ARHGAP24: variants seen among roughly 807,000 people sequenced by gnomAD.
ARHGAP24 encodes Rho GTPase activating protein 24.
Under a neutral mutation model 76.4 loss-of-function variants are expected in ARHGAP24, and 50 were observed. That is an observed-to-expected ratio of 0.65 (90% confidence interval 0.52 to 0.83). ARHGAP24 has a LOEUF of 0.83. Among genes scored for constraint, ARHGAP24 ranks in the 40% least tolerant of loss-of-function variants. ARHGAP24 has a pLI of 0.00. For synonymous variants in ARHGAP24, 345 were observed against 323.3 expected (o/e 1.07, Z -0.72); for missense variants, 930 against 914.2 (o/e 1.02, Z -0.22).
chr4:85,570,385 TCTTTCTTTCTTTCTTTCTTTCTTTC>T, intron 1 of ARHGAP24, 112 bp from the exon 2 acceptor site: 1 of 19,350 alleles, frequency 5.2e-5, no homozygotes, highest in Non-Finnish European at 9.8e-5. Flanking sequence ...TTTCTTTCTT[TCTTTCTTTCTTTCTTTCTTTCTTTC>T]TTTCTTTCCT....
At chr4:85,641,149 T>G (rs945160874) in intron 2 of ARHGAP24, among the ~76,000 whole-genome samples, 1 of 152,230 alleles carries the variant, frequency 6.6e-6, no homozygotes, top group East Asian at 1.9e-4. Flanking sequence ...CAGGCTAGAG[T>G]GCAGTAGAAC....
chr4:85,695,368 G>A (rs1723830410), intron 2 of ARHGAP24, among the ~76,000 whole-genome samples: 1 of 152,224 alleles, frequency 6.6e-6, no homozygotes, highest in South Asian at 2.1e-4. Flanking sequence ...CTGTTACATG[G>A]GTATGGGGAA....
chr4:85,662,956 C>T (rs1722464684), intron 2 of ARHGAP24, among the ~76,000 whole-genome samples: 1 of 151,720 alleles, frequency 6.6e-6, no homozygotes, highest in African/African-American at 2.4e-5. Context: ...TAGCGTGATG[C>T]CTCCAGCTTT....
chr4:85,908,923 C>A (rs908799841), intron 3 of ARHGAP24, among the ~76,000 whole-genome samples: 17 of 151,778 alleles, frequency 1.1e-4, no homozygotes, highest in African/African-American at 3.6e-4. Flanking sequence ...TGTTGTAAAC[C>A]ATCAAGGGTC....
At chr4:85,504,514 C>G (rs1723957159) in intron 1 of ARHGAP24, among the ~76,000 whole-genome samples, 1 of 152,088 alleles carries the variant, frequency 6.6e-6, no homozygotes, top group Non-Finnish European at 1.5e-5. Flanking sequence ...GGTTTAAAGT[C>G]TGTTTTATCA....
At chr4:85,667,148 C>T (rs540916902) in intron 2 of ARHGAP24, among the ~76,000 whole-genome samples, 19 of 152,338 alleles carry the variant, frequency 1.2e-4, no homozygotes, top group African/African-American at 4.6e-4. Context: ...TGGTGGGCTC[C>T]ACCCAGTTGG....
rs139364395 is a variant in ARHGAP24 at position 85,885,881 on chromosome 4, G to A, written c.269-37767G>A. 1.3e-3 allele frequency among the ~76,000 whole-genome samples: 196 copies of A among 152,218 alleles called. 1 individual carries two copies. Among genetic ancestry groups the A allele is most frequent in the Middle Eastern group, 6.8e-3 (2 of 294 alleles). On this transcript the variant is annotated intron_variant, in intron 3 of 9. Transcript: ENST00000395184. The stretch of plus-strand genomic sequence containing the variant: ...TTTATTTATTATCTTTTATAACTAT[G>A]AGAGCAAAATTTTGGATTAGTTATG...
At chr4:85,973,859 T>TTTTTC in intron 6 of ARHGAP24, among the ~76,000 whole-genome samples, 1 of 145,338 alleles carries the variant, frequency 6.9e-6, no homozygotes, top group East Asian at 2.0e-4. Flanking sequence ...TTTTTTTTTT[T>TTTTTC]TGAGACAGAG....
At position 85,682,471 on chromosome 4, in the gene ARHGAP24, G is replaced by A. The variant is rs866327754; in HGVS notation, c.181-39414G>A. On this transcript the variant is annotated intron_variant, in intron 2 of 9. Coordinates refer to ENST00000395184, the MANE Select transcript of ARHGAP24 (RefSeq NM_001025616.3). ...AATTACCTAAGGGAAATCAAAGACA[G>A]CCATCCTGACTCTTCCAGCTCTATG... Among the ~76,000 whole-genome samples, 6 of 152,180 alleles carry A rather than the reference G, an allele frequency of 3.9e-5. No homozygotes were observed. In the South Asian group the frequency reaches 1.2e-3, roughly 32 times the overall value.
chr4:85,947,509 T>A (rs139191888), intron 5 of ARHGAP24, among the ~76,000 whole-genome samples: 1 of 152,284 alleles, frequency 6.6e-6, no homozygotes, highest in Non-Finnish European at 1.5e-5. Context: ...ACAGTGGTGA[T>A]CAAGTGTCAA....
chr4:85,834,624 G>C (rs913513060), intron 3 of ARHGAP24, among the ~76,000 whole-genome samples: 2 of 152,208 alleles, frequency 1.3e-5, no homozygotes, highest in African/African-American at 4.8e-5. Flanking sequence ...TCAAAACGGA[G>C]AGAAGATCTG....
chr4:85,517,067 T>C (rs1047411044), intron 1 of ARHGAP24, among the ~76,000 whole-genome samples: 1 of 152,178 alleles, frequency 6.6e-6, no homozygotes, highest in Admixed American at 6.5e-5. Flanking sequence ...TTTTATCATG[T>C]AACAAGTTTC....
At chr4:85,636,695 A>G (rs1721319955) in intron 2 of ARHGAP24, among the ~76,000 whole-genome samples, 1 of 152,026 alleles carries the variant, frequency 6.6e-6, no homozygotes, top group South Asian at 2.1e-4. Flanking sequence ...TGGAATTATT[A>G]TCAGTCCAAA....
intron 2 of ARHGAP24, among the ~76,000 whole-genome samples, chr4:85,659,223 G>T (rs1465332180): frequency 6.6e-6 from 1 of 152,140 alleles, no homozygotes; most frequent in Non-Finnish European, 1.5e-5. Context: ...CTGGACCAAG[G>T]TTTTTGGCCT....
chr4:85,833,411 T>C lies in ARHGAP24; in HGVS notation c.269-90237T>C, dbSNP rs138778372. Reference sequence around the variant, plus strand: ...TCTATTTTACTTCCTGTTCCTCTAGTTAATTTCTTTATCCTGGGATTCCTC... The same window carrying C: ...TCTATTTTACTTCCTGTTCCTCTAGCTAATTTCTTTATCCTGGGATTCCTC... On this transcript the variant is annotated intron_variant, in intron 3 of 9. Coordinates refer to ENST00000395184, the MANE Select transcript of ARHGAP24 (RefSeq NM_001025616.3). 8.5e-5 allele frequency among the ~76,000 whole-genome samples: 13 copies of C among 152,290 alleles called. No individual in the cohort carries two copies. In the East Asian group the frequency reaches 1.4e-3, roughly 16 times the overall value.
Position 85,811,146 on chromosome 4 carries a change from G to A in ARHGAP24, c.268+89174G>A, listed in dbSNP as rs140477643. ...GCTACTAGCAGCTTTTCTAATGCAAGAGCCAATGATTTCTGTGTGTCTCTT... is the reference window on the plus strand; with the variant it reads ...GCTACTAGCAGCTTTTCTAATGCAAAAGCCAATGATTTCTGTGTGTCTCTT... On this transcript the variant is annotated intron_variant, in intron 3 of 9. Coordinates refer to ENST00000395184, the MANE Select transcript of ARHGAP24 (RefSeq NM_001025616.3). 6.1e-3 allele frequency among the ~76,000 whole-genome samples: 935 copies of A among 152,276 alleles called. 4 individuals are homozygous for A. The highest frequency in any genetic ancestry group is 9.9e-3 in the Non-Finnish European group (673 of 68,022).
chr4:85,822,134 T>C (rs1729500469), intron 3 of ARHGAP24, among the ~76,000 whole-genome samples: 1 of 152,182 alleles, frequency 6.6e-6, no homozygotes, highest in Non-Finnish European at 1.5e-5. Context: ...TATATGCATG[T>C]TAGGAAAATT....
chr4:85,888,439 TG>T (rs1263443790), intron 3 of ARHGAP24, among the ~76,000 whole-genome samples: 6 of 151,658 alleles, frequency 4.0e-5, no homozygotes, highest in African/African-American at 1.4e-4. Context: ...AAATTCTATC[TG>T]TACAGGAGTG....
intron 3 of ARHGAP24, among the ~76,000 whole-genome samples, chr4:85,787,567 C>G (rs9790823): frequency 0.11 from 16,752 of 151,984 alleles, 1,966 homozygotes; most frequent in East Asian, 0.62. Flanking sequence ...TTTTGAGTTT[C>G]AAAAAAATCT....
Sources: allele counts gnomAD v4.1 joint callset (sites outside exome capture counted in the v4.1 genomes callset), GRCh38; gene constraint gnomAD v4.1.1; transcripts MANE v1.5; gene names NCBI Gene and HGNC (gene_info 2026-07-23, HGNC 2026-07-21).